The following PIP4K2A variants were observed in gnomAD, a reference collection of about 807,000 sequenced individuals.
PIP4K2A encodes phosphatidylinositol 5-phosphate 4-kinase type-2 alpha.
In PIP4K2A, 14 loss-of-function variants were observed where a neutral mutation model predicts 42.9. That is an observed-to-expected ratio of 0.33 (90% CI 0.22 to 0.51). The LOEUF (loss-of-function observed/expected upper bound fraction) is 0.51. Ranked by LOEUF, PIP4K2A falls within the 20% of genes least tolerant of loss-of-function variation. The pLI, the probability that PIP4K2A is intolerant of heterozygous loss-of-function variation, is 0.97. For missense variants in PIP4K2A, 434 were observed against 519.8 expected, an observed-to-expected ratio of 0.83 and a Z score of 1.61; for synonymous variants, 192 against 192.2, an observed-to-expected ratio of 1.00 and a Z score of 0.01.
chr10:22,597,978 A>C (rs73598576), intron 3 of PIP4K2A, among the ~76,000 whole-genome samples: 3,334 of 152,338 alleles, frequency 0.022, 126 homozygotes, highest in African/African-American at 0.074. Context: ...GGCTTTGGAG[A>C]GATCTACTCT....
intron 1 of PIP4K2A, among the ~76,000 whole-genome samples, chr10:22,655,867 G>A (rs1485802975): frequency 6.6e-6 from 1 of 152,144 alleles, no homozygotes; most frequent in Admixed American, 6.5e-5. Flanking sequence ...TCAGCCTTAA[G>A]AGCTGAGTGT....
chr10:22,709,169 T>C (rs1322408154), intron 1 of PIP4K2A, among the ~76,000 whole-genome samples: 1 of 152,204 alleles, frequency 6.6e-6, no homozygotes, highest in African/African-American at 2.4e-5. Context: ...AACAGGGATC[T>C]GGTTCTTTTA....
At chr10:22,612,596 C>A (rs779943509) in intron 1 of PIP4K2A, among the ~76,000 whole-genome samples, 1 of 152,052 alleles carries the variant, frequency 6.6e-6, no homozygotes, top group Non-Finnish European at 1.5e-5. Flanking sequence ...CAGCAGAGGG[C>A]GGAGGCGGCA....
At chr10:22,601,151 AAAAAAAAAAAAAC>A (rs1483235943) in intron 3 of PIP4K2A, among the ~76,000 whole-genome samples, 20 of 142,050 alleles carry the variant, frequency 1.4e-4, no homozygotes, top group South Asian at 9.4e-4. Flanking sequence ...AAAAAAAAAA[AAAAAAAAAAAAAC>A]AAACCAGGAA....
chr10:22,686,925 T>C (rs1323632100), intron 1 of PIP4K2A, among the ~76,000 whole-genome samples: 1 of 152,188 alleles, frequency 6.6e-6, no homozygotes, highest in Non-Finnish European at 1.5e-5. Context: ...CCGTCTGTTA[T>C]GAGAGGTATT....
chr10:22,570,160 A>C (rs1836950888), intron 5 of PIP4K2A, among the ~76,000 whole-genome samples: 1 of 152,212 alleles, frequency 6.6e-6, no homozygotes, highest in Non-Finnish European at 1.5e-5. Flanking sequence ...TGAGGCAACC[A>C]AGATTCATTA....
chr10:22,570,840 A>T (rs765859014), intron 5 of PIP4K2A, among the ~76,000 whole-genome samples: 7 of 115,276 alleles, frequency 6.1e-5, no homozygotes, highest in South Asian at 3.0e-4. Flanking sequence ...TTTGTGATTT[A>T]AAAAAAAAAA....
At chr10:22,599,573 T>C (rs555627880) in intron 3 of PIP4K2A, among the ~76,000 whole-genome samples, 4 of 152,326 alleles carry the variant, frequency 2.6e-5, no homozygotes, top group South Asian at 4.1e-4. Context: ...TCACAGCCAA[T>C]AAATGTTGCT....
At chr10:22,568,953 G>T in intron 5 of PIP4K2A, 2 of 1,325,934 alleles carry the variant, frequency 1.5e-6, no homozygotes, top group Non-Finnish European at 2.1e-6. Context: ...TTTACCACCT[G>T]ATGAAAAGAC....
At chr10:22,539,742 G>A (rs926055928) in intron 9 of PIP4K2A, 9 of 530,638 alleles carry the variant, frequency 1.7e-5, no homozygotes, top group East Asian at 1.2e-4. Flanking sequence ...AGCAGTAAGC[G>A]TTTGTGGGTT....
At chr10:22,644,098 T>C (rs1183274714) in intron 1 of PIP4K2A, among the ~76,000 whole-genome samples, 1 of 151,726 alleles carries the variant, frequency 6.6e-6, no homozygotes, top group Non-Finnish European at 1.5e-5. Context: ...AAATATGAAG[T>C]CCTGTTCTCC....
chr10:22,586,956 A>C (rs893728978), intron 4 of PIP4K2A, among the ~76,000 whole-genome samples: 1 of 152,232 alleles, frequency 6.6e-6, no homozygotes, highest in Non-Finnish European at 1.5e-5. Flanking sequence ...GAGGTGTCAA[A>C]AGTATAAGTA....
chr10:22,708,088 C>G (rs946047345), intron 1 of PIP4K2A, among the ~76,000 whole-genome samples: 9 of 152,068 alleles, frequency 5.9e-5, no homozygotes, highest in African/African-American at 1.9e-4. Flanking sequence ...AGAATGGAAA[C>G]GAAGAGACGG....
chr10:22,618,104 GCAATTGCTT>G, intron 1 of PIP4K2A, among the ~76,000 whole-genome samples: 1 of 152,242 alleles, frequency 6.6e-6, no homozygotes, highest in Non-Finnish European at 1.5e-5. Context: ...TGCAAGTTTT[GCAATTGCTT>G]CTGGCTTCTA....
chr10:22,547,376 C>A (rs530442787), intron 7 of PIP4K2A, among the ~76,000 whole-genome samples: 1 of 152,208 alleles, frequency 6.6e-6, no homozygotes, highest in Admixed American at 6.5e-5. Context: ...GAGGGCCTGA[C>A]GCCCCAGTCT....
chr10:22,673,398 G>T (rs1423703647), intron 1 of PIP4K2A, among the ~76,000 whole-genome samples: 1 of 152,128 alleles, frequency 6.6e-6, no homozygotes, highest in African/African-American at 2.4e-5. Flanking sequence ...TAATTAAAAT[G>T]ACCACAACAG....
intron 8 of PIP4K2A, 82 bp from the exon 9 acceptor site, chr10:22,540,156 G>A: frequency 1.3e-6 from 1 of 781,570 alleles, no homozygotes; most frequent in Non-Finnish European, 2.3e-6. Flanking sequence ...GAGGGAGGGA[G>A]AAGTGAGCCT....
intron 1 of PIP4K2A, among the ~76,000 whole-genome samples, chr10:22,612,901 G>A (rs953939899): frequency 1.1e-4 from 16 of 152,168 alleles, no homozygotes; most frequent in African/African-American, 3.9e-4. Flanking sequence ...GTGTGTATCT[G>A]TGCATCAGAC....
At chr10:22,669,870 C>T (rs1839417163) in intron 1 of PIP4K2A, among the ~76,000 whole-genome samples, 2 of 152,156 alleles carry the variant, frequency 1.3e-5, no homozygotes, top group African/African-American at 4.8e-5. Flanking sequence ...ATGACTATGA[C>T]CTGTTAGTTC....
Sources: gnomAD v4.1 joint callset for allele counts (sites outside exome capture counted in the v4.1 genomes callset) on GRCh38, gnomAD v4.1.1 for gene constraint, MANE v1.5 for transcripts, NCBI Gene and HGNC (gene_info 2026-07-23, HGNC 2026-07-21) for gene names.